The following DGKI variants were observed in gnomAD, a reference collection of about 807,000 sequenced individuals.
DGKI encodes diacylglycerol kinase iota.
DGKI carries 55 observed loss-of-function variants against 147.5 expected under a neutral mutation model. The ratio of observed to expected loss-of-function variants is 0.37; its 90% CI spans 0.30 to 0.47. DGKI has a LOEUF of 0.47. Among genes scored for constraint, DGKI ranks in the 20% least tolerant of loss-of-function variants. The pLI is 1.00. For synonymous variants in DGKI, 469 were observed against 477.1 expected, an observed-to-expected ratio of 0.98 and a Z score of 0.22; for missense variants, 1,007 against 1,323.8, an observed-to-expected ratio of 0.76 and a Z score of 3.71.
intron 21 of DGKI, among the ~76,000 whole-genome samples, chr7:137,515,891 C>T (rs985400702): frequency 6.6e-6 from 1 of 151,838 alleles, no homozygotes; most frequent in Non-Finnish European, 1.5e-5. Flanking sequence ...TGGGAAAAGA[C>T]AGTAAAAGAA....
chr7:137,545,900 A>G (rs1402333674), intron 20 of DGKI: 1 of 702,644 alleles, frequency 1.4e-6, no homozygotes, highest in South Asian at 1.5e-5. Flanking sequence ...CTGTACTCAC[A>G]TGGTGAAGGA....
At chr7:137,460,332 G>T (rs1476024000) in intron 27 of DGKI, among the ~76,000 whole-genome samples, 1 of 152,122 alleles carries the variant, frequency 6.6e-6, no homozygotes, top group Non-Finnish European at 1.5e-5. Flanking sequence ...TAGAATATTA[G>T]AAATCACTAT....
chr7:137,788,190 C>T (rs1417155761), intron 1 of DGKI, among the ~76,000 whole-genome samples: 1 of 152,034 alleles, frequency 6.6e-6, no homozygotes, highest in Non-Finnish European at 1.5e-5. Flanking sequence ...CCTTCAAAGC[C>T]TTCTCTGATC....
intron 12 of DGKI, among the ~76,000 whole-genome samples, chr7:137,588,742 C>T (rs964382227): frequency 1.3e-5 from 2 of 152,144 alleles, no homozygotes. Context: ...TCCCAAAGTG[C>T]TGGGATTACA....
rs185954746 is a variant in DGKI, at chr7:137,832,256, G to A, written c.401+14206C>T. On this transcript the variant is annotated intron_variant, in intron 1 of 32. Coordinates refer to ENST00000614521, the MANE Select transcript of DGKI (RefSeq NM_001321708.2). Reference sequence around the variant, plus strand: ...GCCCCAGGAGGGACTCTGAGTGGGGGCTCTAACCTCACATTTCCCTTCTGC... The same window carrying A: ...GCCCCAGGAGGGACTCTGAGTGGGGACTCTAACCTCACATTTCCCTTCTGC... 3.3e-3 allele frequency among the ~76,000 whole-genome samples: 503 copies of A among 152,332 alleles called. 3 individuals carry two copies. The highest frequency in any genetic ancestry group is 0.011 in the African/African-American group (477 of 41,570).
chr7:137,619,579 T>A (rs908970465), intron 8 of DGKI, among the ~76,000 whole-genome samples: 2 of 152,126 alleles, frequency 1.3e-5, no homozygotes, highest in Admixed American at 6.5e-5. Context: ...AGCACATGAA[T>A]GAGGAGGCAA....
At chr7:137,639,812 C>A (rs949484427) in intron 6 of DGKI, among the ~76,000 whole-genome samples, 7 of 152,030 alleles carry the variant, frequency 4.6e-5, no homozygotes, top group Non-Finnish European at 7.4e-5. Flanking sequence ...AGCAAGGACC[C>A]TTTAGCCCCC....
chr7:137,381,041 TTTC>T lies in DGKI; in HGVS notation c.*10176_*10178del, dbSNP rs1326747108. ...AGAAAAAATAAACAAATGAACTACA[TTTC>T]TTCATTTTTATTCTGTACATTTCCA... On this transcript the variant is annotated 3_prime_UTR_variant, in exon 33 of 33. Transcript: ENST00000614521. 1.3e-5 allele frequency: 2 copies of T among 152,100 alleles called. No individual in the cohort carries two copies. The highest frequency in any genetic ancestry group is 4.8e-5 in the African/African-American group (2 of 41,418). The allele number at this position is 152,100 out of a possible 1,614,324, so 9.4% of individuals were successfully genotyped here.
intron 1 of DGKI, among the ~76,000 whole-genome samples, chr7:137,729,251 C>T (rs1257291604): frequency 4.6e-5 from 7 of 152,138 alleles, no homozygotes; most frequent in African/African-American, 1.7e-4. Flanking sequence ...AAGCAGTGCT[C>T]TTTATAGAAA....
intron 27 of DGKI, 72 bp downstream of exon 27, chr7:137,463,417 C>T (rs1814525726): frequency 1.3e-6 from 2 of 1,569,954 alleles, no homozygotes; most frequent in Non-Finnish European, 1.7e-6. Context: ...ACCACTGGGG[C>T]ACAGCCCACA....
intron 12 of DGKI, among the ~76,000 whole-genome samples, chr7:137,590,708 T>G (rs966940808): frequency 9.9e-5 from 15 of 152,254 alleles, no homozygotes; most frequent in Non-Finnish European, 5.9e-5. Flanking sequence ...GTTTTTTTTG[T>G]CTTTTTTGAG....
rs10523881 is a variant in DGKI at position 137,399,002 on chromosome 7, A to ATTTTTTT, written c.2921-1596_2921-1590dup. Among the ~76,000 whole-genome samples, 16 of 145,538 alleles carry ATTTTTTT rather than the reference A, an allele frequency of 1.1e-4. 1 individual carries two copies. Among genetic ancestry groups the ATTTTTTT allele is most frequent in the East Asian group, 6.2e-4 (3 of 4,826 alleles). ...TTCCTCAATTTGTTCCCAGGGTTCC[A>ATTTTTTT]TTTTTTTTTTTTTCACAAAAGCTAA... is the stretch of plus-strand genomic sequence containing the variant. On this transcript the variant is annotated intron_variant, in intron 30 of 32. Transcript: ENST00000614521.
At chr7:137,527,933 A>T (rs2128955656) in intron 20 of DGKI, among the ~76,000 whole-genome samples, 1 of 152,376 alleles carries the variant, frequency 6.6e-6, no homozygotes. Flanking sequence ...ATGAATTTAT[A>T]GTGTGAATTC....
intron 27 of DGKI, among the ~76,000 whole-genome samples, chr7:137,463,186 G>T (rs769249042): frequency 6.6e-6 from 1 of 152,226 alleles, no homozygotes; most frequent in Non-Finnish European, 1.5e-5. Context: ...AAACAGGGAC[G>T]TGTGATAAAC....
intron 3 of DGKI, among the ~76,000 whole-genome samples, chr7:137,674,434 C>A (rs1822956661): frequency 1.3e-5 from 2 of 152,144 alleles, no homozygotes; most frequent in African/African-American, 4.8e-5. Context: ...TACATAGATG[C>A]CCTAATGTCC....
In DGKI at chr7:137,465,899, C is replaced by T. The variant is rs181996592; in HGVS notation, c.2612+9G>A. 1 of 1,612,968 alleles carries T rather than the reference C, an allele frequency of 6.2e-7. No individual in the cohort carries two copies. The highest frequency in any genetic ancestry group is 1.7e-5 in the Admixed American group (1 of 59,950). On this transcript the variant is annotated intron_variant, in intron 26 of 32. Coordinates refer to ENST00000614521, the MANE Select transcript of DGKI (RefSeq NM_001321708.2). Reference sequence around the variant, plus strand: ...GGCCAGCCTCACAGGCCAGGAGAAGCACACTCACCCCGAGGCTTGTTCCAC... The same window carrying T: ...GGCCAGCCTCACAGGCCAGGAGAAGTACACTCACCCCGAGGCTTGTTCCAC...
intron 1 of DGKI, among the ~76,000 whole-genome samples, chr7:137,814,194 A>G (rs796639528): frequency 3.2e-4 from 49 of 152,260 alleles, no homozygotes; most frequent in African/African-American, 1.1e-3. Flanking sequence ...ATGACCCCAC[A>G]CACAGGAGCC....
intron 1 of DGKI, among the ~76,000 whole-genome samples, chr7:137,744,211 A>G (rs2069179355): frequency 6.6e-6 from 1 of 152,116 alleles, no homozygotes; most frequent in South Asian, 2.1e-4. Flanking sequence ...AGATATCACA[A>G]CCGATCCCAC....
chr7:137,838,853 A>G (rs1379955862), intron 1 of DGKI, among the ~76,000 whole-genome samples: 1 of 152,238 alleles, frequency 6.6e-6, no homozygotes, highest in African/African-American at 2.4e-5. Flanking sequence ...CATTTCTGAA[A>G]TAATCCAGGG....
Sources: allele counts gnomAD v4.1 joint callset (sites outside exome capture counted in the v4.1 genomes callset), GRCh38; gene constraint gnomAD v4.1.1; transcripts MANE v1.5; gene names NCBI Gene and HGNC (gene_info 2026-07-23, HGNC 2026-07-21).